PCDHA4: variants seen among roughly 807,000 people sequenced by gnomAD.
The protein encoded by PCDHA4 is protocadherin alpha 4.
A neutral mutation model predicts 61.4 loss-of-function variants in PCDHA4; 49 were observed. The ratio of observed to expected loss-of-function variants is 0.80; its 90% CI spans 0.63 to 1.01. PCDHA4 has a LOEUF of 1.01. Among genes scored for constraint, PCDHA4 ranks in the 50% least tolerant of loss-of-function variants. The probability of loss-of-function intolerance (pLI) is 0.00; values close to 1 mark genes in which losing one functional copy is unlikely to be tolerated. For missense variants in PCDHA4, 1,254 were observed against 1,235.8 expected (o/e 1.01, Z -0.22); for synonymous variants, 590 against 550.3 (o/e 1.07, Z -1.01).
At chr5:140,842,965 C>G in intron 1 of PCDHA4, 2 of 1,594,984 alleles carry the variant, frequency 1.3e-6, no homozygotes, top group Non-Finnish European at 1.7e-6. Flanking sequence ...TGGGCAGCAA[C>G]GTGACGCTGC....
intron 1 of PCDHA4, among the ~76,000 whole-genome samples, chr5:140,957,165 A>G (rs2095338056): frequency 6.6e-6 from 1 of 152,190 alleles, no homozygotes; most frequent in Non-Finnish European, 1.5e-5. Context: ...AAATCTAAGT[A>G]TATAAATTGG....
intron 1 of PCDHA4, chr5:140,876,072 GGA>G: frequency 1.2e-6 from 2 of 1,613,902 alleles, no homozygotes; most frequent in Non-Finnish European, 8.5e-7. Flanking sequence ...GGAAGTTATT[GGA>G]CAGAGAGCAA....
chr5:140,981,465 T>C (rs1226815704), intron 2 of PCDHA4, among the ~76,000 whole-genome samples: 2 of 152,116 alleles, frequency 1.3e-5, no homozygotes, highest in Non-Finnish European at 1.5e-5. Context: ...TCCCAGCTAC[T>C]TGGGAGGCTG....
chr5:140,841,146 C>T, intron 1 of PCDHA4: 1 of 755,204 alleles, frequency 1.3e-6, no homozygotes, highest in Non-Finnish European at 2.1e-6. Flanking sequence ...CACATGATGT[C>T]GCTGTCTACC....
intron 1 of PCDHA4, among the ~76,000 whole-genome samples, chr5:140,840,437 GAAATAGAAACGTTAAATAA>G (rs1776700709): frequency 6.6e-6 from 1 of 151,948 alleles, no homozygotes; most frequent in Non-Finnish European, 1.5e-5. Context: ...TAAAGCCGTG[GAAATAGAAACGTTAAATAA>G]AAAGTTGGGG....
chr5:140,882,558 G>T (rs782792864), intron 1 of PCDHA4: 16 of 1,614,130 alleles, frequency 9.9e-6, no homozygotes, highest in Non-Finnish European at 1.1e-5. Flanking sequence ...GAGCTGTGTG[G>T]GCGGAGCGCG....
At chr5:140,840,678 T>G (rs1381034670) in intron 1 of PCDHA4, among the ~76,000 whole-genome samples, 1 of 152,018 alleles carries the variant, frequency 6.6e-6, no homozygotes, top group Non-Finnish European at 1.5e-5. Context: ...TTTTATTACT[T>G]TAGTAAATAA....
intron 1 of PCDHA4, chr5:140,870,851 C>T: frequency 6.2e-7 from 1 of 1,613,838 alleles, no homozygotes; most frequent in Non-Finnish European, 8.5e-7. Context: ...GTACCGCGGT[C>T]GGTGGGTGCG....
At chr5:140,957,549 C>G (rs563057107) in intron 1 of PCDHA4, among the ~76,000 whole-genome samples, 1 of 152,156 alleles carries the variant, frequency 6.6e-6, no homozygotes, top group South Asian at 2.1e-4. Context: ...AAAGTATTCT[C>G]TGTGGAAAAG....
intron 1 of PCDHA4, chr5:140,968,394 G>T: frequency 6.2e-7 from 1 of 1,613,940 alleles, no homozygotes; most frequent in Non-Finnish European, 8.5e-7. Context: ...GAGAAGTTTC[G>T]GGAGTTCTTT....
chr5:140,932,088 T>G (rs2088018403), intron 1 of PCDHA4, among the ~76,000 whole-genome samples: 1 of 151,932 alleles, frequency 6.6e-6, no homozygotes, highest in Non-Finnish European at 1.5e-5. Context: ...CAGGAAAACA[T>G]GGTTTTTATC....
intron 1 of PCDHA4, chr5:140,968,689 A>T: frequency 2.5e-6 from 4 of 1,614,124 alleles, no homozygotes; most frequent in Non-Finnish European, 3.4e-6. Context: ...ACACAGGAGA[A>T]ATTAGGACTA....
intron 1 of PCDHA4, chr5:140,836,827 G>C: frequency 1.0e-6 from 1 of 968,068 alleles, no homozygotes; most frequent in African/African-American, 1.7e-5. Context: ...TTCTTTTTTA[G>C]TTGATAGCTT....
intron 1 of PCDHA4, chr5:140,848,966 G>C (rs2150427042): frequency 1.9e-5 from 31 of 1,605,602 alleles, no homozygotes; most frequent in Non-Finnish European, 2.6e-5. Flanking sequence ...TAGAGGGCGC[G>C]TCCGATGCAG....
intron 1 of PCDHA4, chr5:140,841,311 G>C: frequency 1.3e-6 from 2 of 1,582,248 alleles, no homozygotes; most frequent in Non-Finnish European, 1.7e-6. Context: ...GATAGGAAAC[G>C]ACTATTTAAC....
chr5:140,808,924 G>A lies in PCDHA4; in HGVS notation c.1737G>A (p.Glu579=), dbSNP rs782681008. Reference sequence around the variant, plus strand: ...GTGGCACTGGTGGCGCAGTGAGCGAGCTGGTGCCATGGTCGGTGGGTGTGG... The same window carrying A: ...GTGGCACTGGTGGCGCAGTGAGCGAACTGGTGCCATGGTCGGTGGGTGTGG... ...RAGGTGGAVS[E]LVPWSVGVGH... The change falls in exon 1 of 4, where the codon GAG becomes GAA. Residue 579 remains glutamate, a synonymous_variant. Transcript: ENST00000530339. 29 of 1,613,574 alleles carry A rather than the reference G, an allele frequency of 1.8e-5. No homozygotes were observed. The highest frequency in any genetic ancestry group is 2.4e-5 in the Non-Finnish European group (28 of 1,179,852).
intron 3 of PCDHA4, among the ~76,000 whole-genome samples, chr5:140,990,425 T>G (rs1268987059): frequency 6.6e-6 from 1 of 152,214 alleles, no homozygotes; most frequent in Non-Finnish European, 1.5e-5. Context: ...CAACCAGCAT[T>G]GACCCAATCT....
chr5:140,832,037 T>C (rs1771814112), intron 1 of PCDHA4, among the ~76,000 whole-genome samples: 1 of 152,240 alleles, frequency 6.6e-6, no homozygotes, highest in Non-Finnish European at 1.5e-5. Flanking sequence ...TTGTTATTCA[T>C]AGTGAGGCCA....
intron 1 of PCDHA4, among the ~76,000 whole-genome samples, chr5:140,950,687 C>A (rs2153690415): frequency 6.6e-6 from 1 of 152,106 alleles, no homozygotes; most frequent in South Asian, 2.1e-4. Context: ...ATATTGTTAA[C>A]CAAATTTGAC....
Sources: gnomAD v4.1 joint callset for allele counts (sites outside exome capture counted in the v4.1 genomes callset) on GRCh38, gnomAD v4.1.1 for gene constraint, MANE v1.5 for transcripts, NCBI Gene and HGNC (gene_info 2026-07-23, HGNC 2026-07-21) for gene names.